TENT2: variants seen among roughly 807,000 people sequenced by gnomAD.
The protein encoded by TENT2 is terminal nucleotidyltransferase 2, also known as poly(A) RNA polymerase GLD2.
A neutral mutation model predicts 72.2 loss-of-function variants in TENT2; 44 were observed. The ratio of observed to expected loss-of-function variants is 0.61; its 90% CI spans 0.48 to 0.78. TENT2 has a LOEUF of 0.78. TENT2 is among the 30% of genes least tolerant of loss of function. The pLI, the probability that TENT2 is intolerant of heterozygous loss-of-function variation, is 0.00. For missense variants in TENT2, 541 were observed against 569.6 expected (o/e 0.95, Z 0.51); for synonymous variants, 212 against 192.5 (o/e 1.10, Z -0.84).
chr5:79,686,273 T>A lies in TENT2; in HGVS notation c.*1000T>A, dbSNP rs985616812. The A allele has an allele frequency of 1.5e-4, 23 of 152,440 alleles. 1 individual carries two copies. The highest frequency in any genetic ancestry group is 1.2e-3 in the Admixed American group (19 of 15,272). The allele number at this position is 152,440 out of a possible 1,614,324, so 9.4% of individuals were successfully genotyped here. Reference sequence around the variant, plus strand: ...AAAATTATTATAAATAAAAGCTTAATGTTTGTAAAAAATCTCTTTTTTAGT... The same window carrying A: ...AAAATTATTATAAATAAAAGCTTAAAGTTTGTAAAAAATCTCTTTTTTAGT... On this transcript the variant is annotated 3_prime_UTR_variant, in exon 15 of 15. Coordinates refer to ENST00000453514, the MANE Select transcript of TENT2 (RefSeq NM_001114394.3).
At chr5:79,673,145 G>C (rs1347144547) in intron 12 of TENT2, among the ~76,000 whole-genome samples, 1 of 152,150 alleles carries the variant, frequency 6.6e-6, no homozygotes, top group African/African-American at 2.4e-5. Context: ...TGGATTATTA[G>C]ATTTTTTCCT....
intron 7 of TENT2, 156 bp from the exon 8 acceptor site, chr5:79,644,967 A>G (rs574331202): frequency 3.9e-5 from 22 of 569,074 alleles, no homozygotes; most frequent in Non-Finnish European, 6.0e-5. Context: ...CTCCAACCTT[A>G]GAAGAATTTG....
chr5:79,647,191 T>G (rs1789782137), intron 8 of TENT2, among the ~76,000 whole-genome samples: 1 of 152,182 alleles, frequency 6.6e-6, no homozygotes. Flanking sequence ...TGTCATTAAC[T>G]TAACCATTCT....
chr5:79,625,415 A>G (rs1768694642), intron 4 of TENT2, among the ~76,000 whole-genome samples: 1 of 152,146 alleles, frequency 6.6e-6, no homozygotes, highest in Admixed American at 6.5e-5. Flanking sequence ...GATGCAGTCC[A>G]GTTTATCTAT....
intron 11 of TENT2, among the ~76,000 whole-genome samples, chr5:79,661,133 TAAAG>T (rs1802551367): frequency 1.3e-5 from 2 of 152,184 alleles, no homozygotes; most frequent in South Asian, 2.1e-4. Context: ...GTTTTTAAAA[TAAAG>T]TAAGCTAAGG....
chr5:79,661,406 T>C (rs551428629), intron 11 of TENT2, among the ~76,000 whole-genome samples: 21 of 152,030 alleles, frequency 1.4e-4, no homozygotes, highest in Middle Eastern at 3.4e-3. Flanking sequence ...CACATACTTA[T>C]CATTGTGTTA....
In TENT2 at chr5:79,682,101, A is replaced by C. The variant is rs756962971; in HGVS notation, c.1380+40A>C. Reference sequence around the variant, plus strand: ...AGATCAACCCTAGAAACATTAGTAGACTAGTATGCTTTAAACAGGAAAAAA... The same window carrying C: ...AGATCAACCCTAGAAACATTAGTAGCCTAGTATGCTTTAAACAGGAAAAAA... On this transcript the variant is annotated intron_variant, in intron 14 of 14. Coordinates refer to ENST00000453514, the MANE Select transcript of TENT2 (RefSeq NM_001114394.3). 4.8e-6 allele frequency: 7 copies of C among 1,465,896 alleles called. No individual in the cohort carries two copies. In the Admixed American group the frequency reaches 5.3e-5, roughly 11 times the overall value. The allele number at this position is 1,465,896 out of a possible 1,614,324, so 90.8% of individuals were successfully genotyped here.
intron 11 of TENT2, among the ~76,000 whole-genome samples, chr5:79,666,653 A>AGATTAT (rs1250642015): frequency 9.9e-6 from 1 of 100,798 alleles, no homozygotes; most frequent in Non-Finnish European, 1.7e-5. Flanking sequence ...TATTGCTATG[A>AGATTAT]AATTAATGTG....
chr5:79,651,188 T>C (rs1434900999), intron 10 of TENT2, among the ~76,000 whole-genome samples: 1 of 151,984 alleles, frequency 6.6e-6, no homozygotes, highest in Non-Finnish European at 1.5e-5. Context: ...TTGCAAAGGT[T>C]TCAAGATGTT....
intron 10 of TENT2, 120 bp downstream of exon 10, chr5:79,649,310 A>G (rs1373424158): frequency 2.2e-6 from 2 of 893,362 alleles, no homozygotes; most frequent in Non-Finnish European, 3.2e-6. Context: ...AAGGTCCATG[A>G]AACACATTTC....
In TENT2 at chr5:79,681,804, A is replaced by G. The variant is rs758014884; in HGVS notation, c.1301-178A>G. ...TTCTATCTACCTTATTAGGCAGTTC[A>G]TAGTATATCAAGCTTTTCTGTATAC... On this transcript the variant is annotated intron_variant, in intron 13 of 14. Transcript: ENST00000453514. The G allele has an allele frequency of 4.0e-5, 21 of 525,666 alleles. No individual in the cohort carries two copies. In the East Asian group the frequency reaches 6.1e-4, roughly 15 times the overall value. The allele number at this position is 525,666 out of a possible 1,614,324, so 32.6% of individuals were successfully genotyped here. A position where few individuals can be genotyped will look rare whatever the true frequency, so the allele number is the denominator to read the frequency against.
chr5:79,642,154 A>G (rs1473154303), intron 6 of TENT2, among the ~76,000 whole-genome samples: 1 of 152,060 alleles, frequency 6.6e-6, no homozygotes, highest in Non-Finnish European at 1.5e-5. Flanking sequence ...AAAAATACAA[A>G]AAATTATTGA....
chr5:79,625,293 C>T (rs1246571063), intron 4 of TENT2, among the ~76,000 whole-genome samples: 5 of 152,136 alleles, frequency 3.3e-5, no homozygotes, highest in African/African-American at 1.2e-4. Context: ...TTTATGCATT[C>T]TACATATTAG....
In TENT2 at chr5:79,687,824, CATT is replaced by C. The variant is rs1318164931; in HGVS notation, c.*2553_*2555del. On this transcript the variant is annotated 3_prime_UTR_variant, in exon 15 of 15. Transcript: ENST00000453514. ...GATCTTTGCAAATAAATCTCATAGA[CATT>C]AATGTTTGTAAGAAATTTTTAATTA... Among the ~76,000 whole-genome samples the C allele has an allele frequency of 1.3e-5, 2 of 152,160 alleles. No homozygotes were observed. The highest frequency in any genetic ancestry group is 4.8e-5 in the African/African-American group (2 of 41,432).
intron 8 of TENT2, among the ~76,000 whole-genome samples, chr5:79,647,893 T>C (rs1203264969): frequency 6.6e-6 from 1 of 152,200 alleles, no homozygotes; most frequent in Non-Finnish European, 1.5e-5. Context: ...TTGAGTAGTA[T>C]AGATAGCTCT....
chr5:79,649,238 T>G (rs770953573), intron 10 of TENT2, 48 bp downstream of exon 10: 1 of 1,556,612 alleles, frequency 6.4e-7, no homozygotes, highest in Non-Finnish European at 8.8e-7. Flanking sequence ...AAAGACAGCT[T>G]TATTATGGTG....
intron 12 of TENT2, among the ~76,000 whole-genome samples, chr5:79,675,374 T>C (rs1223156831): frequency 6.6e-6 from 1 of 152,182 alleles, no homozygotes; most frequent in Non-Finnish European, 1.5e-5. Context: ...TGGATTGTTT[T>C]AGGTTTTTAG....
chr5:79,655,336 A>G (rs1797146054), intron 10 of TENT2, among the ~76,000 whole-genome samples: 1 of 152,064 alleles, frequency 6.6e-6, no homozygotes, highest in African/African-American at 2.4e-5. Context: ...TTTTTTGTCC[A>G]TTGAAAGATC....
chr5:79,625,377 C>T (rs1035871365), intron 4 of TENT2, among the ~76,000 whole-genome samples: 4 of 151,992 alleles, frequency 2.6e-5, no homozygotes, highest in African/African-American at 7.3e-5. Flanking sequence ...TTTTTGGTAT[C>T]CTTTGAAGCA....
Sources: gnomAD v4.1 joint callset for allele counts (sites outside exome capture counted in the v4.1 genomes callset) on GRCh38, gnomAD v4.1.1 for gene constraint, MANE v1.5 for transcripts, NCBI Gene and HGNC (gene_info 2026-07-23, HGNC 2026-07-21) for gene names.